ATRNL1: variants seen among roughly 807,000 people sequenced by gnomAD.
The protein encoded by ATRNL1 is attractin-like protein 1.
Under a neutral mutation model 182.7 loss-of-function variants are expected in ATRNL1, and 95 were observed. The observed-to-expected ratio is 0.52, with a 90% CI of 0.44 to 0.62. ATRNL1 has a LOEUF of 0.62. Among genes scored for constraint, ATRNL1 ranks in the 20% least tolerant of loss-of-function variants. The pLI is 0.00. For missense variants in ATRNL1, 1,471 were observed against 1,679.5 expected (o/e 0.88, Z 2.17); for synonymous variants, 576 against 568.3 (o/e 1.01, Z -0.19).
chr10:115,532,027 T>C (rs1851621350), intron 25 of ATRNL1, among the ~76,000 whole-genome samples: 1 of 151,158 alleles, frequency 6.6e-6, no homozygotes, highest in African/African-American at 2.4e-5. Context: ...TTTTGGTTAC[T>C]GTAGCCTTGT....
At chr10:115,474,222 C>T (rs548693500) in intron 24 of ATRNL1, among the ~76,000 whole-genome samples, 1 of 151,404 alleles carries the variant, frequency 6.6e-6, no homozygotes, top group African/African-American at 2.4e-5. Flanking sequence ...GGCAACATTG[C>T]CAGGTAAGGT....
intron 28 of ATRNL1, among the ~76,000 whole-genome samples, chr10:115,876,141 A>G (rs1466863102): frequency 6.6e-6 from 1 of 152,236 alleles, no homozygotes; most frequent in Non-Finnish European, 1.5e-5. Context: ...GCTAAATGAA[A>G]AAGGCAGCAT....
chr10:115,570,031 A>G (rs1273430715), intron 26 of ATRNL1, among the ~76,000 whole-genome samples: 2 of 152,136 alleles, frequency 1.3e-5, no homozygotes, highest in Non-Finnish European at 2.9e-5. Context: ...GTGCGATCTC[A>G]GCTCACTGCA....
Position 115,492,569 on chromosome 10 carries a change from T to A in ATRNL1, c.3654+23240T>A, listed in dbSNP as rs946981216. ...AGATATTTTATGTGTATATTTTATA[T>A]TTATATTTCATTTACTTTATATATT... On this transcript the variant is annotated intron_variant, in intron 24 of 28. Transcript: ENST00000355044. Among the ~76,000 whole-genome samples, 39 of 148,320 alleles carry A rather than the reference T, an allele frequency of 2.6e-4. 1 individual carries two copies. The highest frequency in any genetic ancestry group is 4.0e-4 in the Non-Finnish European group (27 of 67,126).
intron 28 of ATRNL1, among the ~76,000 whole-genome samples, chr10:115,917,105 G>A (rs996321315): frequency 6.6e-6 from 1 of 152,170 alleles, no homozygotes; most frequent in East Asian, 1.9e-4. Flanking sequence ...TTGAGATGGC[G>A]TCTAACTCTG....
intron 24 of ATRNL1, among the ~76,000 whole-genome samples, chr10:115,506,698 G>A (rs1019130770): frequency 2.6e-5 from 4 of 152,092 alleles, no homozygotes; most frequent in Admixed American, 6.6e-5. Flanking sequence ...TTTAGATCTC[G>A]ACCAAATTTT....
At chr10:115,585,141 C>T (rs1855430920) in intron 26 of ATRNL1, among the ~76,000 whole-genome samples, 5 of 103,810 alleles carry the variant, frequency 4.8e-5, no homozygotes, top group African/African-American at 1.7e-4. Context: ...TGTTCTTTTA[C>T]ATTTGCTGAG....
At chr10:115,325,061 T>C (rs1854799438) in intron 18 of ATRNL1, among the ~76,000 whole-genome samples, 1 of 152,232 alleles carries the variant, frequency 6.6e-6, no homozygotes, top group Admixed American at 6.5e-5. Flanking sequence ...TTTTTAAATG[T>C]TGCGCATCTG....
At chr10:115,354,757 CT>C (rs1856429109) in intron 19 of ATRNL1, among the ~76,000 whole-genome samples, 1 of 152,024 alleles carries the variant, frequency 6.6e-6, no homozygotes, top group South Asian at 2.1e-4. Flanking sequence ...TCTCTTATTA[CT>C]TTCTTTGAAT....
intron 9 of ATRNL1, among the ~76,000 whole-genome samples, chr10:115,233,861 A>T (rs1554900670): frequency 1.3e-5 from 2 of 151,938 alleles, no homozygotes; most frequent in Non-Finnish European, 1.5e-5. Context: ...ATAATGTATT[A>T]TGTGTTTTTT....
intron 5 of ATRNL1, among the ~76,000 whole-genome samples, chr10:115,133,518 C>T (rs1001983246): frequency 3.9e-5 from 6 of 152,064 alleles, no homozygotes; most frequent in Admixed American, 3.9e-4. Context: ...TATATATGCA[C>T]CCAATACAGG....
At chr10:115,726,765 C>A (rs1593129753) in intron 26 of ATRNL1, among the ~76,000 whole-genome samples, 1 of 152,168 alleles carries the variant, frequency 6.6e-6, no homozygotes. Flanking sequence ...TGATGACTTA[C>A]AAAACTTAGT....
intron 28 of ATRNL1, among the ~76,000 whole-genome samples, chr10:115,944,162 T>C: frequency 6.6e-6 from 1 of 151,374 alleles, no homozygotes; most frequent in Non-Finnish European, 1.5e-5. Context: ...ACAGAAAAAG[T>C]AAACCCTAAT....
At chr10:115,473,562 T>C (rs542829637) in intron 24 of ATRNL1, among the ~76,000 whole-genome samples, 1 of 151,342 alleles carries the variant, frequency 6.6e-6, no homozygotes, top group South Asian at 2.1e-4. Flanking sequence ...TTGCCTGACT[T>C]GGGTGTCAGG....
chr10:115,863,082 A>C (rs1330151784), intron 28 of ATRNL1, among the ~76,000 whole-genome samples: 1 of 152,208 alleles, frequency 6.6e-6, no homozygotes, highest in Non-Finnish European at 1.5e-5. Flanking sequence ...ACAGGAAATA[A>C]AGCGAAATGG....
intron 26 of ATRNL1, among the ~76,000 whole-genome samples, chr10:115,577,946 A>G (rs1210082157): frequency 2.0e-5 from 3 of 151,584 alleles, no homozygotes; most frequent in African/African-American, 7.3e-5. Flanking sequence ...TTTCTTTAAT[A>G]TTAAAAAAAA....
intron 28 of ATRNL1, among the ~76,000 whole-genome samples, chr10:115,864,874 T>C (rs1485822666): frequency 6.6e-6 from 1 of 151,268 alleles, no homozygotes; most frequent in African/African-American, 2.4e-5. Flanking sequence ...CCCAGCTACT[T>C]GGGAGGCTGA....
chr10:115,135,436 C>A (rs1055930664), intron 5 of ATRNL1, among the ~76,000 whole-genome samples: 1 of 152,106 alleles, frequency 6.6e-6, no homozygotes, highest in Non-Finnish European at 1.5e-5. Flanking sequence ...CCATTCACAA[C>A]TGCTTCAAAG....
chr10:115,155,776 C>G (rs1223514849), intron 5 of ATRNL1, among the ~76,000 whole-genome samples: 1 of 152,032 alleles, frequency 6.6e-6, no homozygotes, highest in East Asian at 1.9e-4. Context: ...TGTTTTTAAT[C>G]ATTCTGGTTG....
Sources: allele counts gnomAD v4.1 joint callset (sites outside exome capture counted in the v4.1 genomes callset), GRCh38; gene constraint gnomAD v4.1.1; transcripts MANE v1.5; gene names NCBI Gene and HGNC (gene_info 2026-07-23, HGNC 2026-07-21).